Variants in CLYBL observed in about 807,000 individuals in gnomAD.
The protein encoded by CLYBL is citramalyl-CoA lyase.
Under a neutral mutation model 38.9 loss-of-function variants are expected in CLYBL, and 31 were observed. The ratio of observed to expected loss-of-function variants is 0.80; its 90% CI spans 0.60 to 1.08. The LOEUF is 1.08. CLYBL is among the 50% of genes least tolerant of loss of function. CLYBL has a pLI of 0.00. For synonymous variants in CLYBL, 171 were observed against 158.6 expected (o/e 1.08, Z -0.59); for missense variants, 434 against 411.6 (o/e 1.05, Z -0.47).
chr13:99,833,460 G>A (rs934440023), intron 2 of CLYBL, among the ~76,000 whole-genome samples: 3 of 151,988 alleles, frequency 2.0e-5, no homozygotes, highest in Admixed American at 6.6e-5. Context: ...ATAATGGTGT[G>A]GAAAGTAGTA....
In CLYBL at chr13:99,772,850, C is replaced by A; in HGVS notation, c.89C>A (p.Pro30His). Residue 30 changes from proline (P) to histidine (H), a missense_variant, in exon 2 of 9, where the codon CCC becomes CAC. Pro to His is a moderately conservative substitution (Grantham distance 77). Coordinates refer to ENST00000339105, the MANE Select transcript of CLYBL (RefSeq NM_206808.5). The stretch of plus-strand genomic sequence containing the variant: ...AAAGCGTCTCTAGCAGCTGATATCC[C>A]CAGACTTGGATATAGTTCCTCATCC... Reference protein sequence around the residue: ...RLKASLAADIPRLGYSSSSHH... With the variant: ...RLKASLAADIHRLGYSSSSHH... 2 of 1,607,490 alleles carry A rather than the reference C, an allele frequency of 1.2e-6. No individual in the cohort carries two copies. The highest frequency in any genetic ancestry group is 1.7e-6 in the Non-Finnish European group (2 of 1,178,652).
At chr13:99,706,255 A>G (rs1466196302) in intron 1 of CLYBL, among the ~76,000 whole-genome samples, 1 of 152,176 alleles carries the variant, frequency 6.6e-6, no homozygotes, top group Non-Finnish European at 1.5e-5. Context: ...TTTAAAAGCA[A>G]CATAATAAAG....
At chr13:99,674,877 G>A (rs924386108) in intron 1 of CLYBL, among the ~76,000 whole-genome samples, 3 of 152,108 alleles carry the variant, frequency 2.0e-5, no homozygotes, top group Admixed American at 6.5e-5. Context: ...ACCAAGAATC[G>A]ACTATTGAAA....
chr13:99,734,398 G>A (rs2048635048), intron 1 of CLYBL, among the ~76,000 whole-genome samples: 1 of 151,106 alleles, frequency 6.6e-6, no homozygotes. Flanking sequence ...AAGAGAAATT[G>A]AGATTAAAAA....
chr13:99,792,448 C>T (rs1211856134), intron 2 of CLYBL, among the ~76,000 whole-genome samples: 1 of 152,160 alleles, frequency 6.6e-6, no homozygotes, highest in Non-Finnish European at 1.5e-5. Context: ...GCCAGCTGCT[C>T]CACGTGGCAG....
intron 1 of CLYBL, among the ~76,000 whole-genome samples, chr13:99,765,246 C>T (rs2049246483): frequency 6.6e-6 from 1 of 152,108 alleles, no homozygotes; most frequent in African/African-American, 2.4e-5. Context: ...TCTGCTGCTT[C>T]CCCCTGGCCT....
Position 99,865,015 on chromosome 13 carries a change from A to G in CLYBL, c.634+104A>G, listed in dbSNP as rs758510440. On this transcript the variant is annotated intron_variant, in intron 5 of 8. Transcript: ENST00000339105. This position sits in a 1 kb window ranked among gnomAD's most constrained non-coding sequence, Gnocchi z 4.7. ...AGGATGGACATTTACATAACAATGT[A>G]TATTTGCCAACCATGACAATGGTTT... is the stretch of plus-strand genomic sequence containing the variant. 2.4e-6 allele frequency: 2 copies of G among 833,146 alleles called. No individual in the cohort carries two copies. The highest frequency in any genetic ancestry group is 2.7e-5 in the South Asian group (2 of 72,932). 51.6% of individuals were successfully genotyped at this position (833,146 alleles called of 1,614,324 possible).
At chr13:99,635,871 CTA>C (rs2047011214) in intron 1 of CLYBL, among the ~76,000 whole-genome samples, 2 of 151,942 alleles carry the variant, frequency 1.3e-5, no homozygotes, top group Admixed American at 1.3e-4. Flanking sequence ...GACAGATGGA[CTA>C]AAGATAATAT....
intron 7 of CLYBL, among the ~76,000 whole-genome samples, chr13:99,889,653 G>C (rs1051923610): frequency 2.0e-4 from 30 of 152,194 alleles, no homozygotes; most frequent in African/African-American, 7.0e-4. Context: ...GTTGGCCACT[G>C]CTGGTAAAAA....
chr13:99,728,753 G>GTTTTA (rs1427120830), intron 1 of CLYBL, among the ~76,000 whole-genome samples: 1 of 151,080 alleles, frequency 6.6e-6, no homozygotes, highest in African/African-American at 2.4e-5. Flanking sequence ...GTTTTGTTTT[G>GTTTTA]TTTTGTTTTT....
intron 1 of CLYBL, among the ~76,000 whole-genome samples, chr13:99,624,830 C>G (rs955804741): frequency 1.3e-5 from 2 of 152,154 alleles, no homozygotes; most frequent in Non-Finnish European, 2.9e-5. Flanking sequence ...AGCTCAGCAT[C>G]GGGAAGCTGT....
At chr13:99,732,308 C>A (rs923731700) in intron 1 of CLYBL, among the ~76,000 whole-genome samples, 2 of 151,764 alleles carry the variant, frequency 1.3e-5, no homozygotes, top group African/African-American at 4.8e-5. Context: ...ACCTCAGCGT[C>A]CCCCACCAAC....
chr13:99,887,758 T>C (rs1420035733), intron 7 of CLYBL, among the ~76,000 whole-genome samples: 1 of 152,120 alleles, frequency 6.6e-6, no homozygotes, highest in Non-Finnish European at 1.5e-5. Context: ...AGGATTCTAC[T>C]TTTGGGATCC....
chr13:99,622,885 G>A (rs779793340), intron 1 of CLYBL, among the ~76,000 whole-genome samples: 15 of 152,196 alleles, frequency 9.9e-5, no homozygotes, highest in Non-Finnish European at 1.9e-4. Flanking sequence ...AGGCTGGAGT[G>A]TAGTGGCATG....
chr13:99,637,699 G>C (rs374439119), intron 1 of CLYBL, among the ~76,000 whole-genome samples: 2 of 152,136 alleles, frequency 1.3e-5, no homozygotes, highest in Non-Finnish European at 2.9e-5. Flanking sequence ...TGGAGGTTGC[G>C]GTGAGCTGAG....
chr13:99,639,434 C>T (rs536095116), intron 1 of CLYBL, among the ~76,000 whole-genome samples: 11 of 152,284 alleles, frequency 7.2e-5, no homozygotes, highest in African/African-American at 1.7e-4. Flanking sequence ...AATCCTTGGC[C>T]AATTCCAATC....
chr13:99,864,750 T>C (rs2051696297), intron 4 of CLYBL, 68 bp from the exon 5 acceptor site: 17 of 1,055,898 alleles, frequency 1.6e-5, no homozygotes, highest in Non-Finnish European at 1.8e-5. Context: ...GTTACTGAAA[T>C]GCACCGTGCC....
At chr13:99,722,681 C>G (rs2048412422) in intron 1 of CLYBL, among the ~76,000 whole-genome samples, 2 of 152,200 alleles carry the variant, frequency 1.3e-5, no homozygotes, top group Admixed American at 6.5e-5. Flanking sequence ...GCAGAATTCA[C>G]TTTTCTTTGA....
chr13:99,718,626 C>T (rs2048352675), intron 1 of CLYBL, among the ~76,000 whole-genome samples: 1 of 152,174 alleles, frequency 6.6e-6, no homozygotes, highest in Admixed American at 6.5e-5. Context: ...TTAGATCTAT[C>T]CATTTCTGCT....
Sources: allele counts gnomAD v4.1 joint callset (sites outside exome capture counted in the v4.1 genomes callset), GRCh38; gene constraint gnomAD v4.1.1; non-coding constraint Gnocchi (gnomAD v3.1); transcripts MANE v1.5; gene names NCBI Gene and HGNC (gene_info 2026-07-23, HGNC 2026-07-21).